The following GRIP2 variants were observed in gnomAD, a reference collection of about 807,000 sequenced individuals.
The protein encoded by GRIP2 is glutamate receptor-interacting protein 2.
A neutral mutation model predicts 108.3 loss-of-function variants in GRIP2; 58 were observed. The observed-to-expected ratio is 0.54, with a 90% CI of 0.43 to 0.67. The LOEUF (loss-of-function observed/expected upper bound fraction) is 0.67, where lower values mean the gene tolerates loss of function less well. Ranked by LOEUF, GRIP2 falls within the 30% of genes least tolerant of loss-of-function variation. GRIP2 has a pLI of 0.00. For missense variants in GRIP2, 1,278 were observed against 1,430.6 expected, an observed-to-expected ratio of 0.89 and a Z score of 1.72; for synonymous variants, 586 against 598.2, an observed-to-expected ratio of 0.98 and a Z score of 0.30.
Position 14,511,764 on chromosome 3 carries a change from T to C in GRIP2, c.1721-285A>G, listed in dbSNP as rs1368150988. ...ATGGCCCTTCCAATGCCAGCTCTTC[T>C]TTCCTCCTGCTCAGCCCATCCCCCA... is the stretch of plus-strand genomic sequence containing the variant. On this transcript the variant is annotated intron_variant, in intron 14 of 23. Transcript: ENST00000621039. This position sits in a 1 kb window ranked among gnomAD's most constrained non-coding sequence, Gnocchi z 4.1. Among the ~76,000 whole-genome samples the C allele has an allele frequency of 6.6e-6, 1 of 152,184 alleles. No individual in the cohort carries two copies. The highest frequency in any genetic ancestry group is 1.5e-5 in the Non-Finnish European group (1 of 68,032).
intron 11 of GRIP2, among the ~76,000 whole-genome samples, chr3:14,514,935 T>C (rs993471958): frequency 1.3e-5 from 2 of 152,236 alleles, no homozygotes; most frequent in African/African-American, 4.8e-5. Flanking sequence ...ATCACCACGA[T>C]GCATTTGAGA....
At chr3:14,558,273 C>T (rs1384677958), upstream of GRIP2, among the ~76,000 whole-genome samples, 1 of 152,238 alleles carries the variant, frequency 6.6e-6, no homozygotes, top group Non-Finnish European at 1.5e-5. Context: ...GCTGCCACAT[C>T]TAGGCCCAGG....
At position 14,520,211 on chromosome 3, in the gene GRIP2, A is replaced by T; in HGVS notation, c.929T>A (p.Leu310Gln). Residue 310 changes from leucine to glutamine, a missense_variant, in exon 9 of 24, where the codon CTG becomes CAG. By Grantham distance (113) the Leu-to-Gln change is moderately radical (BLOSUM62 -2). Coordinates refer to ENST00000621039, the MANE Select transcript of GRIP2 (RefSeq NM_001080423.4). ...IDGTSMEHCS[L>Q]LEATKLLASI... is the part of the protein sequence containing the mutation. ...GGCCAGGAGCTTGGTGGCCTCAAGC[A>T]GCGAGCAGTGTTCCATGCTGGTGCC... The T allele has an allele frequency of 6.2e-7, 1 of 1,613,734 alleles. No individual in the cohort carries two copies. Among genetic ancestry groups the T allele is most frequent in the Non-Finnish European group, 8.5e-7 (1 of 1,179,852 alleles).
chr3:14,567,890 T>C, the GRIP2 span, among the ~76,000 whole-genome samples: 19,219 of 151,964 alleles, frequency 0.13, 1,322 homozygotes, highest in South Asian at 0.2. Context: ...GGTTATGAGG[T>C]AGGGGGAGGT....
At chr3:14,573,554 A>T in the GRIP2 span, 1 of 1,448,598 alleles carries the variant, frequency 6.9e-7, no homozygotes, top group Non-Finnish European at 9.7e-7. Flanking sequence ...CCTCATGGAA[A>T]TAGCCCCTCA....
At chr3:14,574,577 T>C in the GRIP2 span, 19 of 726,464 alleles carry the variant, frequency 2.6e-5, no homozygotes, top group Middle Eastern at 2.4e-4. Context: ...ACTCAAAAAC[T>C]TCGTCCGGGT....
rs975340440 is a variant in GRIP2 at position 14,507,488 on chromosome 3, G to A, written c.2218+73C>T. 2 of 1,568,184 alleles carry A rather than the reference G, an allele frequency of 1.3e-6. No homozygotes were observed. Among genetic ancestry groups the A allele is most frequent in the South Asian group, 2.3e-5 (2 of 87,628 alleles). On this transcript the variant is annotated intron_variant, in intron 18 of 23. Transcript: ENST00000621039. This position sits in a 1 kb window ranked among gnomAD's most constrained non-coding sequence, Gnocchi z 4.6. ...GTGAGGACTCTGTGAGGGTGTGCAG[G>A]CAAAGCCTGGCACAGAGGGATTGCC...
chr3:14,557,137 A>G (rs571111122), upstream of GRIP2, among the ~76,000 whole-genome samples: 4 of 152,196 alleles, frequency 2.6e-5, no homozygotes, highest in South Asian at 2.1e-4. Context: ...GCCAATCCCC[A>G]TCACTTCGCA....
In GRIP2 at chr3:14,522,978, G is replaced by C; in HGVS notation, c.566+22C>G. The C allele has an allele frequency of 6.2e-7, 1 of 1,609,684 alleles. No homozygotes were observed. Among genetic ancestry groups the C allele is most frequent in the Non-Finnish European group, 8.5e-7 (1 of 1,176,154 alleles). On this transcript the variant is annotated intron_variant, in intron 6 of 23. Coordinates refer to ENST00000621039, the MANE Select transcript of GRIP2 (RefSeq NM_001080423.4). The surrounding 1 kb of genome is among the most constrained non-coding windows in gnomAD (Gnocchi z 4.3). ...TTGGGGCAGGTCAGTGCAGTGTGTG[G>C]ATTTCTTCTGCCTCGGCTCACCTGT...
the GRIP2 span, among the ~76,000 whole-genome samples, chr3:14,586,501 C>G: frequency 2.0e-5 from 3 of 152,168 alleles, no homozygotes; most frequent in Non-Finnish European, 4.4e-5. Context: ...GTGACAACAG[C>G]CCTGCCCTCC....
rs949120954 is a variant in GRIP2 at position 14,489,506 on chromosome 3, A to G, written c.*4159T>C. On this transcript the variant is annotated 3_prime_UTR_variant, in exon 24 of 24. Coordinates refer to ENST00000621039, the MANE Select transcript of GRIP2 (RefSeq NM_001080423.4). The stretch of plus-strand genomic sequence containing the variant: ...CCACATGGAGGCTCACAGAGGAAGC[A>G]GCTTGCTCACTCAGGGGTACACAGC... 7 of 152,412 alleles carry G rather than the reference A, an allele frequency of 4.6e-5. No homozygotes were observed. The highest frequency in any genetic ancestry group is 1.7e-4 in the African/African-American group (7 of 41,438). 9.4% of individuals were successfully genotyped at this position (152,412 alleles called of 1,614,324 possible).
At chr3:14,561,245 T>G in the GRIP2 span, among the ~76,000 whole-genome samples, 10 of 152,324 alleles carry the variant, frequency 6.6e-5, no homozygotes, top group African/African-American at 2.2e-4. Context: ...GGCTGAGTCA[T>G]CAAGAAAACA....
chr3:14,548,179 TG>T (rs1306683373), intron 1 of GRIP2, among the ~76,000 whole-genome samples: 1 of 151,090 alleles, frequency 6.6e-6, no homozygotes, highest in Non-Finnish European at 1.5e-5. Context: ...GGGTGGGAAG[TG>T]GGAAGGAAAG....
At chr3:14,498,326 G>A (rs1693672304) in intron 21 of GRIP2, among the ~76,000 whole-genome samples, 1 of 152,070 alleles carries the variant, frequency 6.6e-6, no homozygotes, top group African/African-American at 2.4e-5. Context: ...AGCCAGGTGT[G>A]GTGATGCATG....
chr3:14,566,368 A>G, the GRIP2 span, among the ~76,000 whole-genome samples: 5 of 152,256 alleles, frequency 3.3e-5, no homozygotes, highest in Admixed American at 3.3e-4. Flanking sequence ...ACAAGGGCAC[A>G]CAAAATTGAA....
chr3:14,523,061 C>A lies in GRIP2; in HGVS notation c.505G>T (p.Asp169Tyr). The A allele has an allele frequency of 6.2e-7, 1 of 1,608,840 alleles. No individual in the cohort carries two copies. Among genetic ancestry groups the A allele is most frequent in the Non-Finnish European group, 8.5e-7 (1 of 1,176,782 alleles). ...GFVLRGGAHE[D>Y]GHKSRPLVLT... is the part of the protein sequence containing the mutation. ...ACAAGCGGGCGGGACTTGTGCCCAT[C>A]TTCATGGGCACCTCCTGGACAGGAT... is the stretch of plus-strand genomic sequence containing the variant. The change falls in exon 6 of 24, where the codon GAT becomes TAT. Residue 169 changes from aspartate to tyrosine, a missense_variant. Asp to Tyr is a radical substitution (Grantham distance 160, BLOSUM62 -3). Coordinates refer to ENST00000621039, the MANE Select transcript of GRIP2 (RefSeq NM_001080423.4).
rs1255551275 is a variant in GRIP2 at position 14,522,809 on chromosome 3, G to A, written c.566+191C>T. The A allele has an allele frequency of 5.1e-6, 3 of 584,350 alleles. No individual in the cohort carries two copies. Among genetic ancestry groups the A allele is most frequent in the South Asian group, 2.0e-5 (1 of 49,248 alleles). 36.2% of individuals were successfully genotyped at this position (584,350 alleles called of 1,614,324 possible). A position where few individuals can be genotyped will look rare whatever the true frequency, so the allele number is the denominator to read the frequency against. On this transcript the variant is annotated intron_variant, in intron 6 of 23. Transcript: ENST00000621039. This position sits in a 1 kb window ranked among gnomAD's most constrained non-coding sequence, Gnocchi z 4.3. ...CAGTATGTTGGGGAAGAAAGGGCTC[G>A]AGGTTTCCCTCATTTGGGGTTACAT...
intron 21 of GRIP2, among the ~76,000 whole-genome samples, chr3:14,503,209 A>T (rs979681339): frequency 1.3e-5 from 2 of 152,228 alleles, no homozygotes; most frequent in African/African-American, 4.8e-5. Flanking sequence ...GTGTGCCTAC[A>T]TGTGCACAAT....
rs149095772 is a variant in GRIP2 at position 14,512,825 on chromosome 3, C to A, written c.1672G>T (p.Val558Leu). 16 of 1,613,556 alleles carry A rather than the reference C, an allele frequency of 9.9e-6. No individual in the cohort carries two copies. Among genetic ancestry groups the A allele is most frequent in the African/African-American group, 2.7e-5 (2 of 74,910 alleles). Residue 558 changes from valine to leucine, a missense_variant, in exon 14 of 24, where the codon GTG becomes TTG. Coordinates refer to ENST00000621039, the MANE Select transcript of GRIP2 (RefSeq NM_001080423.4). The surrounding 1 kb of genome is among the most constrained non-coding windows in gnomAD (Gnocchi z 5.1). ...SVIPSSGTFH[V>L]KLPKKRSVEL... ...ACGCTGCGCTTCTTGGGCAGCTTCACGTGGAAGGTGCCACTGCTTGGGATG... is the reference window on the plus strand; with the variant it reads ...ACGCTGCGCTTCTTGGGCAGCTTCAAGTGGAAGGTGCCACTGCTTGGGATG...
Sources: gnomAD v4.1 joint callset for allele counts (sites outside exome capture counted in the v4.1 genomes callset) on GRCh38, gnomAD v4.1.1 for gene constraint, Gnocchi (gnomAD v3.1) non-coding constraint, MANE v1.5 for transcripts, NCBI Gene and HGNC (gene_info 2026-07-23, HGNC 2026-07-21) for gene names.